The following SHISA9 variants were observed in gnomAD, a reference collection of about 807,000 sequenced individuals.
SHISA9 encodes the protein protein shisa-9.
In SHISA9, 13 loss-of-function variants were observed where a neutral mutation model predicts 38.0. That is an observed-to-expected ratio of 0.34 (90% CI 0.22 to 0.54). The LOEUF (loss-of-function observed/expected upper bound fraction) is 0.54. SHISA9 is among the 20% of genes least tolerant of loss of function. The pLI, the probability that SHISA9 is intolerant of heterozygous loss-of-function variation, is 0.91. For missense variants in SHISA9, 538 were observed against 575.8 expected (o/e 0.93, Z 0.67); for synonymous variants, 275 against 242.0 (o/e 1.14, Z -1.27).
At chr16:13,477,505 A>G in the SHISA9 span, among the ~76,000 whole-genome samples, 139 of 152,316 alleles carry the variant, frequency 9.1e-4, 1 homozygote, top group East Asian at 0.023. Flanking sequence ...AAAGTGAAAA[A>G]GGTGGTGGGG....
chr16:12,974,506 T>TC (rs1265951174), intron 2 of SHISA9, among the ~76,000 whole-genome samples: 10 of 105,666 alleles, frequency 9.5e-5, no homozygotes, highest in African/African-American at 2.0e-4. Flanking sequence ...TTTTTTTTTT[T>TC]CCGGAGTTTC....
the SHISA9 span, among the ~76,000 whole-genome samples, chr16:13,315,800 A>G: frequency 2.0e-5 from 3 of 152,274 alleles, no homozygotes; most frequent in South Asian, 2.1e-4. Flanking sequence ...TAGCTCTCCT[A>G]TGGAGGAGGG....
intron 2 of SHISA9, among the ~76,000 whole-genome samples, chr16:12,927,394 T>G (rs1385642025): frequency 6.6e-6 from 1 of 152,068 alleles, no homozygotes; most frequent in Non-Finnish European, 1.5e-5. Flanking sequence ...AGCATAGCTG[T>G]TTTTTACTTA....
At chr16:12,939,240 C>G (rs948585181) in intron 2 of SHISA9, among the ~76,000 whole-genome samples, 2 of 152,014 alleles carry the variant, frequency 1.3e-5, no homozygotes, top group Non-Finnish European at 2.9e-5. Context: ...CTCACCACCA[C>G]GCCTGGCTAA....
intron 2 of SHISA9, among the ~76,000 whole-genome samples, chr16:12,941,518 G>A (rs187492398): frequency 1.1e-4 from 17 of 152,250 alleles, no homozygotes; most frequent in Admixed American, 8.5e-4. Context: ...TATCATTTGT[G>A]TTACAAACAA....
At chr16:12,933,646 C>A (rs1314232369) in intron 2 of SHISA9, among the ~76,000 whole-genome samples, 1 of 152,132 alleles carries the variant, frequency 6.6e-6, no homozygotes, top group African/African-American at 2.4e-5. Context: ...GTTGATATAA[C>A]AAAGGGAAAC....
rs1159561199 is a variant in SHISA9, at chr16:13,237,583, A to C, written c.*2174A>C. ...GAGGCTGAGGCAGGAGAATCGCTTA[A>C]ACTTGGGAGGTTGCAGTGAGCTGAG... On this transcript the variant is annotated 3_prime_UTR_variant, in exon 5 of 5. Coordinates refer to ENST00000558583, the MANE Select transcript of SHISA9 (RefSeq NM_001145204.3). The C allele has an allele frequency of 6.6e-6, 1 of 151,278 alleles. No homozygotes were observed. Among genetic ancestry groups the C allele is most frequent in the East Asian group, 1.9e-4 (1 of 5,148 alleles). The allele number at this position is 151,278 out of a possible 1,614,324, so 9.4% of individuals were successfully genotyped here. A position where few individuals can be genotyped will look rare whatever the true frequency, so the allele number is the denominator to read the frequency against.
At chr16:13,465,961 TG>T in the SHISA9 span, among the ~76,000 whole-genome samples, 1 of 152,254 alleles carries the variant, frequency 6.6e-6, no homozygotes, top group Non-Finnish European at 1.5e-5. Flanking sequence ...CTGCATGGCC[TG>T]AAAGGCCCAC....
At chr16:13,230,345 A>G (rs1344013550) in intron 4 of SHISA9, among the ~76,000 whole-genome samples, 1 of 152,232 alleles carries the variant, frequency 6.6e-6, no homozygotes. Context: ...CAAGGAGGCC[A>G]GTTTGGTTAC....
chr16:12,919,419 T>C (rs2071299918), intron 2 of SHISA9, among the ~76,000 whole-genome samples: 1 of 152,240 alleles, frequency 6.6e-6, no homozygotes, highest in South Asian at 2.1e-4. Context: ...TAGATTTGAC[T>C]GAGGATTCAC....
intron 1 of SHISA9, chr16:12,910,792 G>A (rs2071172442): frequency 9.6e-6 from 9 of 937,278 alleles, no homozygotes; most frequent in Non-Finnish European, 1.1e-5. Flanking sequence ...ATAAGGAATT[G>A]GAAGTCCAAA....
At chr16:13,260,980 A>G in the SHISA9 span, among the ~76,000 whole-genome samples, 2 of 152,288 alleles carry the variant, frequency 1.3e-5, no homozygotes, top group African/African-American at 4.8e-5. Flanking sequence ...AGGAAGAAGC[A>G]AAAGCAGAAG....
At chr16:13,190,820 AT>A (rs901205439) in intron 2 of SHISA9, among the ~76,000 whole-genome samples, 22 of 150,748 alleles carry the variant, frequency 1.5e-4, no homozygotes, top group East Asian at 5.8e-4. Context: ...AATGGTTCAA[AT>A]TTTTTTTTTA....
intron 2 of SHISA9, among the ~76,000 whole-genome samples, chr16:13,129,757 G>A (rs2050291419): frequency 6.6e-6 from 1 of 152,066 alleles, no homozygotes; most frequent in Non-Finnish European, 1.5e-5. Context: ...TGTTCAGCAG[G>A]GGAAGTCTGA....
intron 2 of SHISA9, among the ~76,000 whole-genome samples, chr16:13,019,884 C>CTCCCTCCTTTCT (rs1567184073): frequency 9.6e-5 from 2 of 20,892 alleles, no homozygotes; most frequent in South Asian, 2.3e-3. Context: ...CCCTCCCTCC[C>CTCCCTCCTTTCT]TTCTTTCTTT....
the SHISA9 span, among the ~76,000 whole-genome samples, chr16:13,291,178 A>G: frequency 1.3e-5 from 2 of 152,156 alleles, no homozygotes; most frequent in Non-Finnish European, 2.9e-5. Flanking sequence ...GTCTCAGAGA[A>G]GCATTTCAAG....
At chr16:12,966,753 A>T (rs1490117454) in intron 2 of SHISA9, among the ~76,000 whole-genome samples, 1 of 152,220 alleles carries the variant, frequency 6.6e-6, no homozygotes, top group Non-Finnish European at 1.5e-5. Flanking sequence ...AAGAAAATTT[A>T]CTGAGTAAAT....
chr16:13,012,539 G>A (rs563910389), intron 2 of SHISA9, among the ~76,000 whole-genome samples: 7 of 152,264 alleles, frequency 4.6e-5, no homozygotes, highest in East Asian at 3.9e-4. Context: ...GGATGCACAC[G>A]CTTTTCATTT....
chr16:13,347,737 C>T, the SHISA9 span, among the ~76,000 whole-genome samples: 3 of 152,104 alleles, frequency 2.0e-5, no homozygotes, highest in African/African-American at 7.2e-5. Flanking sequence ...TCTTCATTCT[C>T]CTGCAGAATT....
Sources: gnomAD v4.1 joint callset for allele counts (sites outside exome capture counted in the v4.1 genomes callset) on GRCh38, gnomAD v4.1.1 for gene constraint, MANE v1.5 for transcripts, NCBI Gene and HGNC (gene_info 2026-07-23, HGNC 2026-07-21) for gene names.